Variants in GUCD1 observed in about 807,000 individuals in gnomAD.
GUCD1 encodes the protein protein GUCD1.
GUCD1 carries 17 observed loss-of-function variants against 28.3 expected under a neutral mutation model. The ratio of observed to expected loss-of-function variants is 0.60; its 90% CI spans 0.41 to 0.90. GUCD1 has a LOEUF of 0.90. Ranked by LOEUF, GUCD1 falls within the 40% of genes least tolerant of loss-of-function variation. The pLI is 0.00. For missense variants in GUCD1, 279 were observed against 305.5 expected (o/e 0.91, Z 0.65); for synonymous variants, 129 against 123.3 (o/e 1.05, Z -0.30).
chr22:24,547,642 A>G (rs1357019641), intron 3 of GUCD1: 1 of 444,964 alleles, frequency 2.2e-6, no homozygotes, highest in Non-Finnish European at 4.1e-6. Flanking sequence ...GCCTCTGCAC[A>G]TTCTGAGGGC....
At chr22:24,555,341 G>A (rs555442339), upstream of GUCD1, 26 of 1,382,276 alleles carry the variant, frequency 1.9e-5, no homozygotes, top group East Asian at 6.0e-4. Context: ...CCAGGACGCG[G>A]GCCCCGGAAG....
chr22:24,543,324 G>A (rs2044640737), intron 5 of GUCD1, among the ~76,000 whole-genome samples: 1 of 152,158 alleles, frequency 6.6e-6, no homozygotes, highest in South Asian at 2.1e-4. Context: ...CCCAGAGAGG[G>A]GCAGAAACGT....
intron 1 of GUCD1, among the ~76,000 whole-genome samples, chr22:24,551,601 C>A (rs1233465279): frequency 1.3e-5 from 2 of 152,220 alleles, no homozygotes. Flanking sequence ...AACTCTCTCC[C>A]GGCTGCTGTT....
upstream of GUCD1, chr22:24,555,494 C>G (rs1191259593): frequency 1.6e-6 from 2 of 1,257,186 alleles, no homozygotes; most frequent in Non-Finnish European, 2.2e-6. Flanking sequence ...AGTGCATCCC[C>G]GAGGCCCCAA....
At chr22:24,546,863 T>C (rs1027082277) in intron 4 of GUCD1, 51 bp downstream of exon 4, 39 of 1,489,472 alleles carry the variant, frequency 2.6e-5, no homozygotes, top group African/African-American at 6.9e-5. Context: ...TGCAGATCTG[T>C]GGGTGAGCAG....
chr22:24,551,067 C>A (rs886917154), intron 1 of GUCD1, among the ~76,000 whole-genome samples: 11 of 152,218 alleles, frequency 7.2e-5, no homozygotes, highest in Admixed American at 3.3e-4. Context: ...CCTGGCCTCT[C>A]TGTGCCTGCT....
At chr22:24,543,652 G>A (rs62231930) in intron 5 of GUCD1, among the ~76,000 whole-genome samples, 190 bp downstream of exon 5, 2,999 of 152,062 alleles carry the variant, frequency 0.02, 57 homozygotes, top group African/African-American at 0.044. Context: ...CACAGTTTGC[G>A]GCAGGTTTGC....
chr22:24,549,546 C>G (rs2044819248), intron 1 of GUCD1, among the ~76,000 whole-genome samples: 1 of 152,160 alleles, frequency 6.6e-6, no homozygotes, highest in Non-Finnish European at 1.5e-5. Flanking sequence ...GGGTCTTGCT[C>G]TGTCGCACAG....
At chr22:24,548,833 A>G (rs1265098715) in intron 2 of GUCD1, 84 bp downstream of exon 2, 5 of 1,031,382 alleles carry the variant, frequency 4.8e-6, no homozygotes, top group Non-Finnish European at 7.2e-6. Flanking sequence ...TACATGGACC[A>G]TGGATCCCAC....
In GUCD1 at chr22:24,543,082, C is replaced by A. The variant is rs759249277; in HGVS notation, c.644G>T (p.Ser215Ile). Residue 215 changes from serine to isoleucine, a missense_variant, in exon 6 of 6, where the codon AGC (serine) becomes ATC (isoleucine). Physicochemically the swap from Ser to Ile is moderately radical, Grantham distance 142 (BLOSUM62 -2). Transcript: ENST00000435822. Reference protein sequence around the residue: ...PAYADRMCSTSISNFEEARTS... With the variant: ...PAYADRMCSTIISNFEEARTS... Reference sequence around the variant, plus strand: ...TCTGGCCTCCTCAAAGTTACTGATGCTGGTGCTGCACATTCCTGCTGGGGG... The same window carrying A: ...TCTGGCCTCCTCAAAGTTACTGATGATGGTGCTGCACATTCCTGCTGGGGG... 1.2e-6 allele frequency: 2 copies of A among 1,613,894 alleles called. No homozygotes were observed. Among genetic ancestry groups the A allele is most frequent in the Non-Finnish European group, 1.7e-6 (2 of 1,179,804 alleles).
chr22:24,543,224 A>C, intron 5 of GUCD1, 127 bp from the exon 6 acceptor site: 2 of 686,866 alleles, frequency 2.9e-6, no homozygotes, highest in Non-Finnish European at 5.3e-6. Context: ...CTCTCAACTC[A>C]AGTCCTCCAC....
chr22:24,544,884 G>A (rs2044685862), intron 4 of GUCD1, among the ~76,000 whole-genome samples: 1 of 152,140 alleles, frequency 6.6e-6, no homozygotes, highest in Admixed American at 6.6e-5. Context: ...GTGGGGCGTG[G>A]TGGTATGAGA....
At chr22:24,543,149 C>T (rs770685793) in intron 5 of GUCD1, 52 bp from the exon 6 acceptor site, 11 of 1,289,590 alleles carry the variant, frequency 8.5e-6, no homozygotes, top group South Asian at 8.3e-5. Context: ...GAGAGAGCAC[C>T]TACACCACCG....
In GUCD1 at chr22:24,554,950, G is replaced by T; in HGVS notation, c.42C>A (p.Pro14=). The change falls in exon 1 of 6, where the codon CCC becomes CCA. Residue 14 remains proline, a splice_region_variant and synonymous_variant. Coordinates refer to ENST00000435822, the MANE Select transcript of GUCD1 (RefSeq NM_001284254.2). ...EAEAAGPPLE[P]GDFVQLPVPV... Reference sequence around the variant, plus strand: ...CTGGGCCCACAGAGAGGCACTGACCGGGCTCGAGCGGCGGCCCCGCTGCCT... The same window carrying T: ...CTGGGCCCACAGAGAGGCACTGACCTGGCTCGAGCGGCGGCCCCGCTGCCT... The T allele has an allele frequency of 6.4e-7, 1 of 1,571,214 alleles. No individual in the cohort carries two copies. The highest frequency in any genetic ancestry group is 1.1e-5 in the South Asian group (1 of 88,188).
chr22:24,543,952 C>T lies in GUCD1; in HGVS notation c.518G>A (p.Gly173Asp). The T allele has an allele frequency of 2.5e-6, 4 of 1,614,020 alleles. No homozygotes were observed. The highest frequency in any genetic ancestry group is 1.1e-5 in the South Asian group (1 of 91,068). The change falls in exon 5 of 6, where the codon GGC becomes GAC. Residue 173 changes from glycine to aspartate, a missense_variant. Physicochemically the swap from Gly to Asp is moderately conservative, Grantham distance 94 (BLOSUM62 -1). Coordinates refer to ENST00000435822, the MANE Select transcript of GUCD1 (RefSeq NM_001284254.2). ...PVKYCCFTPS[G>D]HHCFCRTPDY... ...AGGAGTGCGGCAGAAGCAGTGGTGG[C>T]CACTGGGGGTGAAGCAGCAGTACTT...
At chr22:24,545,419 A>G (rs1164204784) in intron 4 of GUCD1, among the ~76,000 whole-genome samples, 1 of 152,054 alleles carries the variant, frequency 6.6e-6, no homozygotes, top group African/African-American at 2.4e-5. Flanking sequence ...TGGCATGGCC[A>G]AGATGCTGGG....
chr22:24,549,075 T>A, intron 1 of GUCD1, 74 bp from the exon 2 acceptor site: 2 of 1,042,560 alleles, frequency 1.9e-6, no homozygotes, highest in Non-Finnish European at 2.9e-6. Flanking sequence ...GGAGCCAGTG[T>A]CACTGCCTCC....
chr22:24,545,096 G>T (rs1742656892), intron 4 of GUCD1, among the ~76,000 whole-genome samples: 1 of 152,008 alleles, frequency 6.6e-6, no homozygotes, highest in African/African-American at 2.4e-5. Flanking sequence ...GGCAGGGGGA[G>T]CTCTAGGCCA....
intron 1 of GUCD1, among the ~76,000 whole-genome samples, chr22:24,549,519 T>C (rs1001249058): frequency 1.1e-4 from 16 of 152,004 alleles, no homozygotes. Context: ...ACAGAGTCTT[T>C]TTCTTTTTTT....
Sources: allele counts gnomAD v4.1 joint callset (sites outside exome capture counted in the v4.1 genomes callset), GRCh38; gene constraint gnomAD v4.1.1; transcripts MANE v1.5; gene names NCBI Gene and HGNC (gene_info 2026-07-23, HGNC 2026-07-21).